The following GSE1 variants were observed in gnomAD, a reference collection of about 807,000 sequenced individuals.
GSE1 encodes the protein Gse1 coiled-coil protein.
A neutral mutation model predicts 112.6 loss-of-function variants in GSE1; 32 were observed. The ratio of observed to expected loss-of-function variants is 0.28; its 90% CI spans 0.21 to 0.38. The LOEUF (loss-of-function observed/expected upper bound fraction) is 0.38, where lower values mean the gene tolerates loss of function less well. Among genes scored for constraint, GSE1 ranks in the 10% least tolerant of loss-of-function variants. The pLI, the probability that GSE1 is intolerant of heterozygous loss-of-function variation, is 1.00. For synonymous variants in GSE1, 1,115 were observed against 735.6 expected, an observed-to-expected ratio of 1.52 and a Z score of -8.35; for missense variants, 2,348 against 1,699.2, an observed-to-expected ratio of 1.38 and a Z score of -6.71.
intron 1 of GSE1, among the ~76,000 whole-genome samples, chr16:85,617,176 T>C (rs1238665407): frequency 6.6e-6 from 1 of 152,186 alleles, no homozygotes; most frequent in Non-Finnish European, 1.5e-5. Context: ...CCTCCTAACC[T>C]GATGCCTCCC....
chr16:85,290,960 C>G (rs577289842), intron 1 of GSE1, among the ~76,000 whole-genome samples: 23 of 152,290 alleles, frequency 1.5e-4, no homozygotes, highest in African/African-American at 5.3e-4. Flanking sequence ...GGGAAGTGCC[C>G]GTTCTCAGTG....
chr16:85,438,495 C>G (rs757323713), intron 2 of GSE1, among the ~76,000 whole-genome samples: 5 of 152,180 alleles, frequency 3.3e-5, no homozygotes, highest in Non-Finnish European at 7.4e-5. Flanking sequence ...CGCTGCCTCA[C>G]TTAATCCTCG....
intron 1 of GSE1, among the ~76,000 whole-genome samples, chr16:85,320,655 T>A (rs766494483): frequency 1.3e-5 from 2 of 152,084 alleles, no homozygotes; most frequent in Non-Finnish European, 2.9e-5. Context: ...ACTAGTAACA[T>A]CTTCCAAGAC....
At chr16:85,459,843 C>T (rs2049924760) in intron 2 of GSE1, among the ~76,000 whole-genome samples, 1 of 152,244 alleles carries the variant, frequency 6.6e-6, no homozygotes, top group African/African-American at 2.4e-5. Flanking sequence ...GCATTCACCC[C>T]TCCTTCACAG....
At chr16:85,238,373 TC>T (rs1235676108) in intron 1 of GSE1, among the ~76,000 whole-genome samples, 3 of 152,258 alleles carry the variant, frequency 2.0e-5, no homozygotes, top group Non-Finnish European at 2.9e-5. Context: ...GGGGCGGTGT[TC>T]CGGAGACATC....
At chr16:85,625,354 G>T (rs1344041658) in intron 1 of GSE1, among the ~76,000 whole-genome samples, 1 of 152,242 alleles carries the variant, frequency 6.6e-6, no homozygotes, top group Admixed American at 6.5e-5. Flanking sequence ...GTGAACCTCA[G>T]TCGCAGGACC....
rs1469727828 is a variant in GSE1 at position 85,327,987 on chromosome 16, A to G, written c.2284-29476A>G. ...GATCGCCTGGTACAGATCCCTGGCC[A>G]TGCATGAATCCAGCTGGCTGTGGTC... On this transcript the variant is annotated intron_variant, in intron 1 of 2. Transcript: ENST00000637419. Among the ~76,000 whole-genome samples the G allele has an allele frequency of 4.6e-5, 7 of 152,172 alleles. No individual in the cohort carries two copies. The East Asian group carries it at 1.4e-3, about 29-fold the overall frequency.
chr16:85,402,124 C>T (rs2048128615), intron 2 of GSE1, among the ~76,000 whole-genome samples: 2 of 152,208 alleles, frequency 1.3e-5, no homozygotes, highest in African/African-American at 4.8e-5. Flanking sequence ...CATCCTGTGC[C>T]GTTTGTCCCG....
chr16:85,672,752 A>C lies in GSE1; in HGVS notation c.*213A>C, dbSNP rs974445768. Reference sequence around the variant, plus strand: ...ACCGTTGTCATTCAGCGAGCAACCAATGTAGGATTGCCCACAGTTTTTCTT... The same window carrying C: ...ACCGTTGTCATTCAGCGAGCAACCACTGTAGGATTGCCCACAGTTTTTCTT... On this transcript the variant is annotated 3_prime_UTR_variant, in exon 16 of 16. Coordinates refer to ENST00000253458, the MANE Select transcript of GSE1 (RefSeq NM_014615.5). 3 of 383,752 alleles carry C rather than the reference A, an allele frequency of 7.8e-6. No homozygotes were observed. Among genetic ancestry groups the C allele is most frequent in the South Asian group, 6.9e-5 (1 of 14,424 alleles). 23.8% of individuals were successfully genotyped at this position (383,752 alleles called of 1,614,324 possible). A position where few individuals can be genotyped will look rare whatever the true frequency, so the allele number is the denominator to read the frequency against.
At chr16:85,196,321 AG>A (rs2074926421) in intron 1 of GSE1, among the ~76,000 whole-genome samples, 1 of 152,162 alleles carries the variant, frequency 6.6e-6, no homozygotes, top group African/African-American at 2.4e-5. Flanking sequence ...CTTTGTTCCA[AG>A]TTCCAACTTG....
intron 2 of GSE1, among the ~76,000 whole-genome samples, chr16:85,469,221 A>G (rs1597849942): frequency 6.6e-6 from 1 of 152,058 alleles, no homozygotes; most frequent in African/African-American, 2.4e-5. Flanking sequence ...GTGCCATTGC[A>G]CTGCAGCCTG....
chr16:85,257,909 T>A (rs1033332709), intron 1 of GSE1, among the ~76,000 whole-genome samples: 1 of 152,242 alleles, frequency 6.6e-6, no homozygotes. Flanking sequence ...TGTTTATACA[T>A]ACACGTAAAC....
In GSE1 at chr16:85,479,188, A is replaced by ATT. The variant is rs59825091; in HGVS notation, c.2464+121569_2464+121570dup. ...AGGCGCCCGCCACCATGCCCGGCTA[A>ATT]TTTTTTTTTTTTTTTTTTTTTTTTT... On this transcript the variant is annotated intron_variant, in intron 2 of 2. Coordinates refer to the GSE1 transcript ENST00000637419. Among the ~76,000 whole-genome samples the ATT allele has an allele frequency of 6.3e-3, 518 of 82,452 alleles. 28 individuals are homozygous for ATT. The highest frequency in any genetic ancestry group is 0.019 in the African/African-American group (358 of 19,158). The allele number at this position is 82,452 out of a possible 152,430, so 54.1% of individuals were successfully genotyped here.
intron 1 of GSE1, among the ~76,000 whole-genome samples, chr16:85,246,389 A>C (rs1203568808): frequency 9.9e-6 from 1 of 101,438 alleles, no homozygotes. Context: ...CTACACACAC[A>C]CCCCACACGC....
chr16:85,592,111 T>A (rs2047026906), intron 1 of GSE1, among the ~76,000 whole-genome samples: 1 of 152,188 alleles, frequency 6.6e-6, no homozygotes, highest in Admixed American at 6.5e-5. Flanking sequence ...GGAGGAGCTT[T>A]TCTGTGCAGA....
At chr16:85,432,968 G>T (rs1045715640) in intron 2 of GSE1, among the ~76,000 whole-genome samples, 1 of 152,006 alleles carries the variant, frequency 6.6e-6, no homozygotes, top group African/African-American at 2.4e-5. Context: ...GGCCTAGAGC[G>T]GTCACACTGT....
intron 1 of GSE1, among the ~76,000 whole-genome samples, chr16:85,563,697 G>A (rs1364675349): frequency 1.3e-5 from 2 of 152,230 alleles, no homozygotes; most frequent in African/African-American, 2.4e-5. Context: ...CTGGACCGCC[G>A]CCCAGTGGGC....
intron 2 of GSE1, among the ~76,000 whole-genome samples, chr16:85,646,410 C>T (rs756069530): frequency 1.3e-5 from 2 of 152,278 alleles, no homozygotes; most frequent in East Asian, 1.9e-4. Context: ...GACACGGGGT[C>T]TGGGTGCCTG....
intron 1 of GSE1, among the ~76,000 whole-genome samples, chr16:85,295,365 A>C (rs1411873145): frequency 6.6e-6 from 1 of 152,232 alleles, no homozygotes; most frequent in Admixed American, 6.5e-5. Context: ...TCAGTTTTCA[A>C]GGTTCACGCG....
Sources: allele counts gnomAD v4.1 joint callset (sites outside exome capture counted in the v4.1 genomes callset), GRCh38; gene constraint gnomAD v4.1.1; transcripts MANE v1.5; gene names NCBI Gene and HGNC (gene_info 2026-07-23, HGNC 2026-07-21).